TAPT1: variants seen among roughly 807,000 people sequenced by gnomAD.
TAPT1 encodes transmembrane anterior posterior transformation protein 1 homolog.
A neutral mutation model predicts 65.6 loss-of-function variants in TAPT1; 28 were observed. The observed-to-expected ratio is 0.43, with a 90% CI of 0.32 to 0.59. The LOEUF (loss-of-function observed/expected upper bound fraction) is 0.59, where lower values mean the gene tolerates loss of function less well. Among genes scored for constraint, TAPT1 ranks in the 20% least tolerant of loss-of-function variants. The pLI is 0.09. For missense variants in TAPT1, 563 were observed against 679.9 expected (o/e 0.83, Z 1.91); for synonymous variants, 278 against 245.2 (o/e 1.13, Z -1.25).
intron 9 of TAPT1, 49 bp downstream of exon 9, chr4:16,176,070 A>C: frequency 1.1e-6 from 1 of 885,282 alleles, no homozygotes; most frequent in Non-Finnish European, 1.7e-6. Context: ...TTAAAAATTA[A>C]GCAACAGAAG....
intron 4 of TAPT1, among the ~76,000 whole-genome samples, chr4:16,189,271 T>G (rs1749207267): frequency 6.6e-6 from 1 of 152,182 alleles, no homozygotes; most frequent in South Asian, 2.1e-4. Flanking sequence ...GTGGCTCCTA[T>G]GGTCTCTACT....
At chr4:16,173,519 C>T (rs1435746598) in intron 11 of TAPT1, among the ~76,000 whole-genome samples, 4 of 151,656 alleles carry the variant, frequency 2.6e-5, no homozygotes, top group East Asian at 3.9e-4. Context: ...CCCAGGTTCA[C>T]GCCATTCTCC....
At chr4:16,225,692 A>G (rs796838850) in intron 1 of TAPT1, among the ~76,000 whole-genome samples, 2 of 152,330 alleles carry the variant, frequency 1.3e-5, no homozygotes, top group African/African-American at 4.8e-5. Flanking sequence ...CATAAGTTTC[A>G]GTTCAGGAAA....
intron 4 of TAPT1, among the ~76,000 whole-genome samples, chr4:16,189,732 T>C (rs900376630): frequency 1.3e-5 from 2 of 152,248 alleles, no homozygotes; most frequent in Non-Finnish European, 2.9e-5. Context: ...GTCTGCAATG[T>C]GAATACGTAT....
At chr4:16,226,839 C>T, upstream of TAPT1, 1 of 169,838 alleles carries the variant, frequency 5.9e-6, no homozygotes, top group Non-Finnish European at 1.2e-5. Flanking sequence ...CGGCGGCGGG[C>T]GGCGGGTCGG....
At chr4:16,200,175 C>T (rs1322864716) in intron 3 of TAPT1, among the ~76,000 whole-genome samples, 1 of 152,156 alleles carries the variant, frequency 6.6e-6, no homozygotes, top group African/African-American at 2.4e-5. Flanking sequence ...CACATTGTGC[C>T]AACAGCCACT....
intron 2 of TAPT1, among the ~76,000 whole-genome samples, chr4:16,209,156 T>C (rs1466616239): frequency 6.6e-6 from 1 of 152,162 alleles, no homozygotes; most frequent in African/African-American, 2.4e-5. Flanking sequence ...TGGATCTTCC[T>C]AGCATAGCCA....
intron 13 of TAPT1, among the ~76,000 whole-genome samples, chr4:16,164,906 A>G (rs769472415): frequency 1.4e-4 from 21 of 152,200 alleles, no homozygotes; most frequent in Non-Finnish European, 2.6e-4. Context: ...CTTCCGGTTA[A>G]GTACAGATGA....
rs536967840 is a variant in TAPT1 at position 16,184,502 on chromosome 4, T to C, written c.916+2033A>G. 2.6e-5 allele frequency among the ~76,000 whole-genome samples: 4 copies of C among 152,322 alleles called. No homozygotes were observed. In the East Asian group the frequency reaches 7.7e-4, roughly 29 times the overall value. On this transcript the variant is annotated intron_variant, in intron 7 of 13. Coordinates refer to ENST00000405303, the MANE Select transcript of TAPT1 (RefSeq NM_153365.3). Reference sequence around the variant, plus strand: ...TGCAACAAGTCCTACTGAGGAAATATATTTCCTGAATTACAGGGCAGGTGA... The same window carrying C: ...TGCAACAAGTCCTACTGAGGAAATACATTTCCTGAATTACAGGGCAGGTGA...
At position 16,174,703 on chromosome 4, in the gene TAPT1, A is replaced by G; in HGVS notation, c.1134T>C (p.Leu378=). The change falls in exon 10 of 14, where the codon CTT becomes CTC. Residue 378 remains leucine, a synonymous_variant. Transcript: ENST00000405303. The part of the protein sequence containing the change: ...ADVYSEYRAS[L]AFDLVSSRQK... ...GTCGGCTGCTAACAAGGTCAAAAGC[A>G]AGACTGGCTCTATATTCACTGTAGA... The G allele has an allele frequency of 6.3e-7, 1 of 1,593,770 alleles. No individual in the cohort carries two copies. The highest frequency in any genetic ancestry group is 8.6e-7 in the Non-Finnish European group (1 of 1,169,422).
chr4:16,183,275 T>G (rs1187011043), intron 7 of TAPT1, among the ~76,000 whole-genome samples: 3 of 152,202 alleles, frequency 2.0e-5, no homozygotes, highest in Non-Finnish European at 4.4e-5. Context: ...CACCTTGCAT[T>G]GTAACATGAG....
At chr4:16,164,957 CAA>C (rs1296668888) in intron 13 of TAPT1, among the ~76,000 whole-genome samples, 1 of 152,170 alleles carries the variant, frequency 6.6e-6, no homozygotes, top group Non-Finnish European at 1.5e-5. Flanking sequence ...CAGTCCAGCC[CAA>C]CTCTCCTCTC....
intron 3 of TAPT1, among the ~76,000 whole-genome samples, chr4:16,198,844 G>A (rs186962749): frequency 2.3e-4 from 35 of 152,186 alleles, no homozygotes; most frequent in Admixed American, 2.1e-3. Context: ...TATTTGAAAG[G>A]TCTTAGACTT....
chr4:16,226,283 G>T lies in TAPT1; in HGVS notation c.175C>A (p.Arg59=). The T allele has an allele frequency of 8.9e-7, 1 of 1,126,518 alleles. No individual in the cohort carries two copies. The highest frequency in any genetic ancestry group is 1.1e-6 in the Non-Finnish European group (1 of 921,274). 69.8% of individuals were successfully genotyped at this position (1,126,518 alleles called of 1,614,324 possible). ...TLGFYESDRR[R]ERRRGRTELS... ...CCTGTGCGGCCCCGGCGCCTCTCCC[G>T]CCGCCGGTCGCTCTCGTAGAAGCCC... The change falls in exon 1 of 14, where the codon CGG becomes AGG. Residue 59 remains arginine (R), a synonymous_variant. Coordinates refer to ENST00000405303, the MANE Select transcript of TAPT1 (RefSeq NM_153365.3).
intron 7 of TAPT1, among the ~76,000 whole-genome samples, chr4:16,180,367 T>C (rs903043289): frequency 6.6e-6 from 1 of 152,198 alleles, no homozygotes. Context: ...AACCAAGAAA[T>C]GGGACAAAAT....
At chr4:16,173,467 G>A (rs1203820948) in intron 11 of TAPT1, among the ~76,000 whole-genome samples, 1 of 151,870 alleles carries the variant, frequency 6.6e-6, no homozygotes, top group Non-Finnish European at 1.5e-5. Flanking sequence ...CGCCCAGGCT[G>A]GAGTGCAGTG....
At chr4:16,192,524 T>C (rs1225066639) in intron 3 of TAPT1, among the ~76,000 whole-genome samples, 1 of 152,214 alleles carries the variant, frequency 6.6e-6, no homozygotes, top group Non-Finnish European at 1.5e-5. Flanking sequence ...CACTCCTTAC[T>C]TCTGAGGTTA....
At chr4:16,202,910 G>C (rs1192880627) in intron 2 of TAPT1, among the ~76,000 whole-genome samples, 1 of 152,086 alleles carries the variant, frequency 6.6e-6, no homozygotes, top group East Asian at 1.9e-4. Flanking sequence ...TGCTATTCCT[G>C]TTTATTAGAA....
intron 1 of TAPT1, among the ~76,000 whole-genome samples, chr4:16,218,807 A>G (rs1418357792): frequency 1.3e-5 from 2 of 152,224 alleles, no homozygotes; most frequent in South Asian, 4.1e-4. Context: ...GTGGTTATCT[A>G]ATGTTTATTT....
Sources: allele counts gnomAD v4.1 joint callset (sites outside exome capture counted in the v4.1 genomes callset), GRCh38; gene constraint gnomAD v4.1.1; transcripts MANE v1.5; gene names NCBI Gene and HGNC (gene_info 2026-07-23, HGNC 2026-07-21).